Variants in SEMA5A observed in about 807,000 individuals in gnomAD.
The protein encoded by SEMA5A is semaphorin 5A.
SEMA5A carries 55 observed loss-of-function variants against 135.5 expected under a neutral mutation model. That is an observed-to-expected ratio of 0.41 (90% CI 0.33 to 0.51). SEMA5A has a LOEUF of 0.51. Ranked by LOEUF, SEMA5A falls within the 20% of genes least tolerant of loss-of-function variation. The pLI is 0.37. For synonymous variants in SEMA5A, 580 were observed against 546.5 expected, an observed-to-expected ratio of 1.06 and a Z score of -0.85; for missense variants, 1,290 against 1,419.9, an observed-to-expected ratio of 0.91 and a Z score of 1.47.
intron 1 of SEMA5A, among the ~76,000 whole-genome samples, chr5:9,527,102 A>C (rs1737173376): frequency 6.6e-6 from 1 of 152,156 alleles, no homozygotes; most frequent in African/African-American, 2.4e-5. Flanking sequence ...CGACAGGGCT[A>C]GTCACAGTGG....
chr5:9,075,426 T>C lies in SEMA5A; in HGVS notation c.2074-8780A>G, dbSNP rs79909056. ...TAGACAAGAAACTGGAGACAACTCA[T>C]ATGGCCATCAGCAGATGGATAGCTA... On this transcript the variant is annotated intron_variant, in intron 16 of 22. Transcript: ENST00000382496. Among the ~76,000 whole-genome samples the C allele has an allele frequency of 4.1e-4, 62 of 152,260 alleles. 1 individual carries two copies. In the East Asian group the frequency reaches 0.012, roughly 28 times the overall value.
chr5:9,039,493 C>T lies in SEMA5A; in HGVS notation c.*3404G>A, dbSNP rs1735842982. ...CGTCTCTTTTCAATTCCTTTAGAAC[C>T]TCAGCCCCACACATACATTTATTAA... On this transcript the variant is annotated 3_prime_UTR_variant, in exon 23 of 23. Coordinates refer to ENST00000382496, the MANE Select transcript of SEMA5A (RefSeq NM_003966.3). 1 of 152,230 alleles carries T rather than the reference C, an allele frequency of 6.6e-6. No individual in the cohort carries two copies. The highest frequency in any genetic ancestry group is 2.4e-5 in the African/African-American group (1 of 41,456). 9.4% of individuals were successfully genotyped at this position (152,230 alleles called of 1,614,324 possible). A position where few individuals can be genotyped will look rare whatever the true frequency, so the allele number is the denominator to read the frequency against.
intron 11 of SEMA5A, among the ~76,000 whole-genome samples, chr5:9,164,666 T>C (rs78837593): frequency 0.012 from 1,759 of 152,294 alleles, 97 homozygotes; most frequent in Admixed American, 0.1. Context: ...ATAATTCATA[T>C]GGTTGGTGCT....
At chr5:9,317,926 C>A (rs1432325205) in intron 5 of SEMA5A, among the ~76,000 whole-genome samples, 1 of 152,140 alleles carries the variant, frequency 6.6e-6, no homozygotes, top group African/African-American at 2.4e-5. Context: ...TCCCTTTATT[C>A]TTTGTTATAG....
At position 9,084,237 on chromosome 5, in the gene SEMA5A, A is replaced by T. The variant is rs150966114; in HGVS notation, c.2074-17591T>A. ...TGCCTCCTGTTCCAGCAGTCATCCAAATTAAAAGACTAGAGTATGATGGTG... is the reference window on the plus strand; with the variant it reads ...TGCCTCCTGTTCCAGCAGTCATCCATATTAAAAGACTAGAGTATGATGGTG... On this transcript the variant is annotated intron_variant, in intron 16 of 22. Coordinates refer to ENST00000382496, the MANE Select transcript of SEMA5A (RefSeq NM_003966.3). Among the ~76,000 whole-genome samples the T allele has an allele frequency of 2.5e-3, 385 of 152,282 alleles. 1 individual carries two copies. The highest frequency in any genetic ancestry group is 9.1e-3 in the African/African-American group (378 of 41,566).
intron 1 of SEMA5A, among the ~76,000 whole-genome samples, chr5:9,532,432 AT>A (rs1737500772): frequency 7.8e-6 from 1 of 128,762 alleles, no homozygotes; most frequent in African/African-American, 3.1e-5. Context: ...TGCCCAGTTA[AT>A]TTTTTTCTTT....
chr5:9,395,376 G>A (rs1485269335), intron 2 of SEMA5A, among the ~76,000 whole-genome samples: 1 of 152,038 alleles, frequency 6.6e-6, no homozygotes, highest in African/African-American at 2.4e-5. Context: ...ATGTAAAGTT[G>A]GGCCAAAAAA....
intron 13 of SEMA5A, among the ~76,000 whole-genome samples, chr5:9,129,520 C>T (rs2619912): frequency 0.041 from 6,179 of 152,244 alleles, 445 homozygotes; most frequent in African/African-American, 0.14. Flanking sequence ...AAGAATCTGC[C>T]TAGAAAGCAG....
intron 2 of SEMA5A, among the ~76,000 whole-genome samples, chr5:9,404,825 T>C (rs941092662): frequency 1.3e-5 from 2 of 152,220 alleles, no homozygotes; most frequent in Non-Finnish European, 2.9e-5. Flanking sequence ...CTGTCTCAGG[T>C]GACCTCCAAA....
chr5:9,322,182 C>A (rs1579341569), intron 4 of SEMA5A, among the ~76,000 whole-genome samples: 2 of 152,212 alleles, frequency 1.3e-5, no homozygotes, highest in East Asian at 3.8e-4. Context: ...TATAACTCTT[C>A]TGATCATTAT....
chr5:9,243,967 A>G (rs1418763583), intron 5 of SEMA5A, among the ~76,000 whole-genome samples: 1 of 152,218 alleles, frequency 6.6e-6, no homozygotes, highest in Non-Finnish European at 1.5e-5. Flanking sequence ...GTTGGCATTC[A>G]GTAAATATTA....
chr5:9,419,416 G>A (rs1757388139), intron 2 of SEMA5A, among the ~76,000 whole-genome samples: 1 of 152,128 alleles, frequency 6.6e-6, no homozygotes, highest in South Asian at 2.1e-4. Flanking sequence ...CACTTAGAAA[G>A]GAAGGGGAAA....
chr5:9,462,930 T>C (rs1037510646), intron 1 of SEMA5A, among the ~76,000 whole-genome samples: 4 of 148,318 alleles, frequency 2.7e-5, no homozygotes, highest in Non-Finnish European at 5.9e-5. Context: ...CCCCGTGACA[T>C]AAGTTTACCT....
At chr5:9,231,174 G>C (rs974366014) in intron 6 of SEMA5A, among the ~76,000 whole-genome samples, 3 of 152,118 alleles carry the variant, frequency 2.0e-5, no homozygotes, top group African/African-American at 7.2e-5. Context: ...GTGAATAAAA[G>C]GAAATGAGTG....
At chr5:9,459,325 C>A (rs1758968013) in intron 1 of SEMA5A, among the ~76,000 whole-genome samples, 1 of 152,142 alleles carries the variant, frequency 6.6e-6, no homozygotes, top group South Asian at 2.1e-4. Context: ...AATATATATG[C>A]ATGATTAGGT....
intron 8 of SEMA5A, among the ~76,000 whole-genome samples, chr5:9,213,935 T>G (rs1746478044): frequency 6.6e-6 from 1 of 151,804 alleles, no homozygotes. Context: ...GGGGCTCTCG[T>G]AAGGTTGGGG....
At chr5:9,438,340 C>T (rs1173538280) in intron 1 of SEMA5A, among the ~76,000 whole-genome samples, 1 of 152,126 alleles carries the variant, frequency 6.6e-6, no homozygotes, top group African/African-American at 2.4e-5. Context: ...TATTTACATA[C>T]TGATTTATTA....
intron 12 of SEMA5A, among the ~76,000 whole-genome samples, chr5:9,147,865 G>A (rs1433101421): frequency 6.6e-6 from 1 of 152,094 alleles, no homozygotes; most frequent in Non-Finnish European, 1.5e-5. Flanking sequence ...AAGTAAATTA[G>A]CAGATAAGGG....
At chr5:9,165,172 C>T (rs770768419) in intron 11 of SEMA5A, among the ~76,000 whole-genome samples, 1 of 151,890 alleles carries the variant, frequency 6.6e-6, no homozygotes, top group Non-Finnish European at 1.5e-5. Flanking sequence ...CAACAGCAGC[C>T]CAAAACACTT....
Sources: gnomAD v4.1 joint callset for allele counts (sites outside exome capture counted in the v4.1 genomes callset) on GRCh38, gnomAD v4.1.1 for gene constraint, MANE v1.5 for transcripts, NCBI Gene and HGNC (gene_info 2026-07-23, HGNC 2026-07-21) for gene names.